MSRA: variants seen among roughly 807,000 people sequenced by gnomAD.
The protein encoded by MSRA is methionine sulfoxide reductase A, also known as mitochondrial peptide methionine sulfoxide reductase.
In MSRA, 54 loss-of-function variants were observed where a neutral mutation model predicts 31.3. The observed-to-expected ratio is 1.73, with a 90% CI of 1.39 to 2.17. The LOEUF (loss-of-function observed/expected upper bound fraction) is 2.17. MSRA is among the 30% of genes most tolerant of loss of function. The probability of loss-of-function intolerance (pLI) is 0.00; values close to 1 mark genes in which losing one functional copy is unlikely to be tolerated. For synonymous variants in MSRA, 169 were observed against 116.5 expected, an observed-to-expected ratio of 1.45 and a Z score of -2.90; for missense variants, 507 against 300.9, an observed-to-expected ratio of 1.69 and a Z score of -5.07.
intron 4 of MSRA, among the ~76,000 whole-genome samples, chr8:10,304,825 AAG>A (rs1268315929): frequency 9.2e-5 from 14 of 152,234 alleles, no homozygotes; most frequent in African/African-American, 2.9e-4. Context: ...GACATTTTGA[AAG>A]AGAGCAGCAG....
At chr8:10,371,636 A>C (rs955277198) in intron 5 of MSRA, among the ~76,000 whole-genome samples, 2 of 152,062 alleles carry the variant, frequency 1.3e-5, no homozygotes, top group Non-Finnish European at 2.9e-5. Flanking sequence ...AGTTTTCCAG[A>C]GTCCTTTCCC....
At chr8:10,200,702 A>G (rs1324469810) in intron 1 of MSRA, among the ~76,000 whole-genome samples, 2 of 152,078 alleles carry the variant, frequency 1.3e-5, no homozygotes, top group African/African-American at 4.8e-5. Flanking sequence ...ACATGCTGCT[A>G]TTGGGGGCAA....
chr8:10,174,049 G>C (rs1805830945), intron 1 of MSRA, among the ~76,000 whole-genome samples: 1 of 152,084 alleles, frequency 6.6e-6, no homozygotes, highest in South Asian at 2.1e-4. Flanking sequence ...TTGGAACTCT[G>C]GCTGATGGCA....
chr8:10,302,458 T>C (rs1030727537), intron 4 of MSRA, among the ~76,000 whole-genome samples: 3 of 152,220 alleles, frequency 2.0e-5, no homozygotes, highest in African/African-American at 7.2e-5. Flanking sequence ...GTATTTTCTC[T>C]TTGGTGTCAG....
chr8:10,130,283 A>G (rs576314481), intron 1 of MSRA, among the ~76,000 whole-genome samples: 2 of 152,346 alleles, frequency 1.3e-5, no homozygotes, highest in South Asian at 2.1e-4. Flanking sequence ...TCATTATTCT[A>G]TCATACAGGA....
At chr8:10,256,414 A>G (rs1026636453) in intron 3 of MSRA, among the ~76,000 whole-genome samples, 2 of 152,130 alleles carry the variant, frequency 1.3e-5, no homozygotes, top group Middle Eastern at 3.2e-3. Flanking sequence ...ACAATTACGG[A>G]TGAAGCTGCT....
intron 5 of MSRA, among the ~76,000 whole-genome samples, chr8:10,340,910 T>A (rs934343144): frequency 1.3e-5 from 2 of 152,198 alleles, no homozygotes; most frequent in African/African-American, 4.8e-5. Flanking sequence ...ATCAAAATGG[T>A]ATTTCTTTGA....
intron 3 of MSRA, among the ~76,000 whole-genome samples, chr8:10,264,490 T>A (rs538106935): frequency 6.6e-6 from 1 of 152,362 alleles, no homozygotes; most frequent in East Asian, 1.9e-4. Context: ...TATTTCAACT[T>A]GTTTATCAGA....
chr8:10,080,674 C>A (rs908877039), intron 1 of MSRA, among the ~76,000 whole-genome samples: 1 of 148,272 alleles, frequency 6.7e-6, no homozygotes, highest in African/African-American at 2.5e-5. Context: ...TGCAGGCATG[C>A]GTTACCATGC....
intron 1 of MSRA, among the ~76,000 whole-genome samples, chr8:10,191,434 C>T (rs77603193): frequency 1.2e-3 from 179 of 152,286 alleles, no homozygotes; most frequent in Non-Finnish European, 2.0e-3. Context: ...CCCTATGAGG[C>T]AGAGGTATAA....
intron 5 of MSRA, among the ~76,000 whole-genome samples, chr8:10,409,414 C>T (rs777320778): frequency 6.6e-5 from 10 of 152,302 alleles, no homozygotes; most frequent in Non-Finnish European, 1.0e-4. Context: ...TGTAAGGTCT[C>T]TTGTCACACG....
rs141066816 is a variant in MSRA, at chr8:10,170,917, A to T, written c.143-36916A>T. ...TTCCTTTGCTATCTCAATGAATTTT[A>T]CTTCCTTTTCTTATTGTGCTAGCTA... On this transcript the variant is annotated intron_variant, in intron 1 of 5. Coordinates refer to ENST00000317173, the MANE Select transcript of MSRA (RefSeq NM_012331.5). Among the ~76,000 whole-genome samples the T allele has an allele frequency of 4.0e-3, 614 of 152,230 alleles. 8 individuals are homozygous for T. The highest frequency in any genetic ancestry group is 0.014 in the African/African-American group (581 of 41,542).
chr8:10,354,369 A>C (rs192871417), intron 5 of MSRA, among the ~76,000 whole-genome samples: 1 of 152,244 alleles, frequency 6.6e-6, no homozygotes, highest in Admixed American at 6.5e-5. Flanking sequence ...ATGCGAGGAC[A>C]CAACAGCAAG....
At chr8:10,131,618 A>G (rs1801904456) in intron 1 of MSRA, among the ~76,000 whole-genome samples, 1 of 152,238 alleles carries the variant, frequency 6.6e-6, no homozygotes, top group Non-Finnish European at 1.5e-5. Flanking sequence ...TTGATGGGCT[A>G]CAGAAATCCC....
At chr8:10,332,451 T>TCCC (rs373121180) in intron 5 of MSRA, among the ~76,000 whole-genome samples, 9,474 of 142,570 alleles carry the variant, frequency 0.066, 413 homozygotes, top group Non-Finnish European at 0.092. Flanking sequence ...AAAAGAAAAA[T>TCCC]CCCCCCTCCC....
At chr8:10,415,460 T>G (rs1808400377) in intron 5 of MSRA, among the ~76,000 whole-genome samples, 1 of 152,072 alleles carries the variant, frequency 6.6e-6, no homozygotes, top group Non-Finnish European at 1.5e-5. Context: ...TCCTTCAGTC[T>G]CCTGAAGTGG....
At chr8:10,415,077 C>G (rs955057544) in intron 5 of MSRA, among the ~76,000 whole-genome samples, 1 of 152,160 alleles carries the variant, frequency 6.6e-6, no homozygotes, top group Non-Finnish European at 1.5e-5. Context: ...AACCATCCTG[C>G]GGGTGGAGGG....
At chr8:10,403,698 T>C (rs942801124) in intron 5 of MSRA, among the ~76,000 whole-genome samples, 2 of 152,234 alleles carry the variant, frequency 1.3e-5, no homozygotes, top group Non-Finnish European at 2.9e-5. Context: ...TACTGAGGCC[T>C]TACAAAGTTG....
intron 1 of MSRA, among the ~76,000 whole-genome samples, chr8:10,184,850 A>G (rs1406530701): frequency 6.6e-6 from 1 of 152,240 alleles, no homozygotes; most frequent in East Asian, 1.9e-4. Flanking sequence ...CTCCAAATCC[A>G]GCACTCACAT....
Sources: allele counts gnomAD v4.1 joint callset (sites outside exome capture counted in the v4.1 genomes callset), GRCh38; gene constraint gnomAD v4.1.1; transcripts MANE v1.5; gene names NCBI Gene and HGNC (gene_info 2026-07-23, HGNC 2026-07-21).